Variants in TUB observed in about 807,000 individuals in gnomAD.
TUB encodes the protein tubby protein homolog.
Under a neutral mutation model 59.7 loss-of-function variants are expected in TUB, and 33 were observed. The ratio of observed to expected loss-of-function variants is 0.55; its 90% confidence interval spans 0.42 to 0.74. The LOEUF (loss-of-function observed/expected upper bound fraction) is 0.74, where lower values mean the gene tolerates loss of function less well. Ranked by LOEUF, TUB falls within the 30% of genes least tolerant of loss-of-function variation. TUB has a pLI of 0.00. For missense variants in TUB, 659 were observed against 672.0 expected, an observed-to-expected ratio of 0.98 and a Z score of 0.21; for synonymous variants, 293 against 256.4, an observed-to-expected ratio of 1.14 and a Z score of -1.36.
Position 8,090,101 on chromosome 11 carries a change from G to A in TUB, c.123G>A (p.Lys41=), listed in dbSNP as rs200364214. The A allele has an allele frequency of 2.3e-5, 37 of 1,612,022 alleles. No individual in the cohort carries two copies. The highest frequency in any genetic ancestry group is 5.0e-5 in the Admixed American group (3 of 59,768). Residue 41 remains lysine, a synonymous_variant, in exon 3 of 12, where the codon AAG becomes AAA. Coordinates refer to ENST00000299506, the MANE Select transcript of TUB (RefSeq NM_177972.3). ...TGCTGGAGCAGAAGCAGAAGAAGAAGCGCCAGGAGCCCCTGATGGTGCAGG... is the reference window on the plus strand; with the variant it reads ...TGCTGGAGCAGAAGCAGAAGAAGAAACGCCAGGAGCCCCTGATGGTGCAGG... ...RALLEQKQKK[K]RQEPLMVQAN...
chr11:8,049,578 T>TATATATATATATATATATATATATAG (rs1055522231), intron 2 of TUB, among the ~76,000 whole-genome samples: 4 of 85,914 alleles, frequency 4.7e-5, no homozygotes, highest in Admixed American at 1.2e-4. Flanking sequence ...TATATATATA[T>TATATATATATATATATATATATATAG]ATAGATAGAT....
At chr11:8,065,995 CAG>C (rs1453156220) in intron 2 of TUB, among the ~76,000 whole-genome samples, 1 of 152,176 alleles carries the variant, frequency 6.6e-6, no homozygotes, top group East Asian at 1.9e-4. Context: ...TCTGTGAGCT[CAG>C]AGTCCAGCCT....
At chr11:8,073,030 C>T (rs914069806) in intron 2 of TUB, among the ~76,000 whole-genome samples, 3 of 152,200 alleles carry the variant, frequency 2.0e-5, no homozygotes, top group South Asian at 2.1e-4. Context: ...AGAGAGAGGA[C>T]ATCCTCACTT....
At chr11:8,039,806 G>A (rs947437874) in intron 2 of TUB, 8 of 768,800 alleles carry the variant, frequency 1.0e-5, no homozygotes, top group South Asian at 5.8e-5. Flanking sequence ...CCCCATATGC[G>A]CCTGGGAGTG....
chr11:8,039,156 A>G (rs931246245), intron 1 of TUB: 24 of 1,197,514 alleles, frequency 2.0e-5, no homozygotes, highest in Admixed American at 2.8e-5. Flanking sequence ...CTGCTCCCCT[A>G]TCACCACGTG....
chr11:8,083,567 T>C (rs1943610834), intron 1 of TUB, among the ~76,000 whole-genome samples: 1 of 152,110 alleles, frequency 6.6e-6, no homozygotes, highest in South Asian at 2.1e-4. Flanking sequence ...AAGGAGTGAT[T>C]TGGCACTTGC....
chr11:8,091,390 A>G (rs1943772130), intron 3 of TUB, among the ~76,000 whole-genome samples: 1 of 152,154 alleles, frequency 6.6e-6, no homozygotes, highest in Non-Finnish European at 1.5e-5. Flanking sequence ...CTGGCTGTAC[A>G]TCTGCCAGTG....
At chr11:8,039,840 G>A in intron 2 of TUB, 1 of 557,314 alleles carries the variant, frequency 1.8e-6, no homozygotes, top group Non-Finnish European at 2.9e-6. Context: ...GGGTTTAGGG[G>A]AGGGTGTGAC....
In TUB at chr11:8,101,837, TGA is replaced by T; in HGVS notation, c.*221_*222del. ...GAGCGGGTGGGTGGGTGTGAAGGGA[TGA>T]GAATAATTCTTTCCATGCCACGAGA... On this transcript the variant is annotated 3_prime_UTR_variant, in exon 12 of 12. Coordinates refer to ENST00000299506, the MANE Select transcript of TUB (RefSeq NM_177972.3). 1 of 670,688 alleles carries T rather than the reference TGA, an allele frequency of 1.5e-6. No homozygotes were observed. Among genetic ancestry groups the T allele is most frequent in the Non-Finnish European group, 2.4e-6 (1 of 419,850 alleles). The allele number at this position is 670,688 out of a possible 1,614,324, so 41.5% of individuals were successfully genotyped here.
At chr11:8,045,600 G>A (rs1330762950) in intron 2 of TUB, among the ~76,000 whole-genome samples, 2 of 152,174 alleles carry the variant, frequency 1.3e-5, no homozygotes, top group Non-Finnish European at 2.9e-5. Context: ...CTCAAAGGAA[G>A]GGCTCATTGG....
At chr11:8,079,805 G>C (rs1943511583), upstream of TUB, among the ~76,000 whole-genome samples, 1 of 152,112 alleles carries the variant, frequency 6.6e-6, no homozygotes, top group East Asian at 1.9e-4. Context: ...GTGAATGCTA[G>C]CTTCATCATT....
At chr11:8,063,798 G>A (rs918831522) in intron 2 of TUB, among the ~76,000 whole-genome samples, 2 of 152,112 alleles carry the variant, frequency 1.3e-5, no homozygotes, top group Non-Finnish European at 2.9e-5. Context: ...TATTGAGCCC[G>A]TTTACTGTGA....
At chr11:8,020,944 G>C (rs1182270413) in intron 1 of TUB, among the ~76,000 whole-genome samples, 3 of 152,206 alleles carry the variant, frequency 2.0e-5, no homozygotes, top group Non-Finnish European at 4.4e-5. Context: ...TGAGCTCACA[G>C]TCTAGATTAT....
At chr11:8,069,900 C>A (rs1943327455) in intron 2 of TUB, among the ~76,000 whole-genome samples, 1 of 152,138 alleles carries the variant, frequency 6.6e-6, no homozygotes, top group Admixed American at 6.5e-5. Flanking sequence ...AGTGGGGGCA[C>A]CAATGCCCTG....
intron 1 of TUB, among the ~76,000 whole-genome samples, chr11:8,029,026 A>T (rs1489388405): frequency 6.6e-6 from 1 of 152,168 alleles, no homozygotes; most frequent in Non-Finnish European, 1.5e-5. Context: ...ACAAAAACAA[A>T]ACAAAACAAA....
intron 2 of TUB, among the ~76,000 whole-genome samples, chr11:8,063,124 G>A (rs1260530172): frequency 3.3e-5 from 5 of 152,106 alleles, no homozygotes; most frequent in Admixed American, 6.5e-5. Flanking sequence ...CAGCGCCTCC[G>A]GTCCACAGCA....
At chr11:8,096,381 G>A (rs1011205169) in intron 5 of TUB, among the ~76,000 whole-genome samples, 1 of 152,214 alleles carries the variant, frequency 6.6e-6, no homozygotes, top group Non-Finnish European at 1.5e-5. Flanking sequence ...GTGGTAGGGT[G>A]GCTGCTAGGT....
At chr11:8,053,654 C>T (rs971936295) in intron 2 of TUB, among the ~76,000 whole-genome samples, 3 of 151,434 alleles carry the variant, frequency 2.0e-5, no homozygotes, top group African/African-American at 4.8e-5. Flanking sequence ...GCGCCCGCCA[C>T]GACGCCCGGC....
intron 2 of TUB, among the ~76,000 whole-genome samples, chr11:8,040,089 G>A (rs1365528625): frequency 1.3e-5 from 2 of 152,192 alleles, no homozygotes; most frequent in East Asian, 3.9e-4. Flanking sequence ...AATCATGGTG[G>A]CAGAGCCTCC....
Sources: gnomAD v4.1 joint callset for allele counts (sites outside exome capture counted in the v4.1 genomes callset) on GRCh38, gnomAD v4.1.1 for gene constraint, MANE v1.5 for transcripts, NCBI Gene and HGNC (gene_info 2026-07-23, HGNC 2026-07-21) for gene names.